The following ARL14EP variants were observed in gnomAD, a reference collection of about 807,000 sequenced individuals.
ARL14EP encodes the protein ARF like GTPase 14 effector protein, also known as ARL14 effector protein.
In ARL14EP, 12 loss-of-function variants were observed where a neutral mutation model predicts 23.1. The observed-to-expected ratio is 0.52, with a 90% CI of 0.33 to 0.84. The LOEUF is 0.84. Among genes scored for constraint, ARL14EP ranks in the 40% least tolerant of loss-of-function variants. ARL14EP has a pLI of 0.02. For synonymous variants in ARL14EP, 97 were observed against 102.0 expected (o/e 0.95, Z 0.29); for missense variants, 253 against 307.3 (o/e 0.82, Z 1.32).
intron 2 of ARL14EP, among the ~76,000 whole-genome samples, chr11:30,332,321 C>A (rs1197320637): frequency 6.6e-6 from 1 of 150,942 alleles, no homozygotes; most frequent in African/African-American, 2.4e-5. Flanking sequence ...GATGTCTTCA[C>A]CTTATCTATC....
In ARL14EP at chr11:30,335,835, C is replaced by T. The variant is rs374998686; in HGVS notation, c.555-732C>T. Among the ~76,000 whole-genome samples, 53 of 151,856 alleles carry T rather than the reference C, an allele frequency of 3.5e-4. No homozygotes were observed. In the South Asian group the frequency reaches 9.6e-3, roughly 27 times the overall value. On this transcript the variant is annotated intron_variant, in intron 3 of 3. Transcript: ENST00000282032. ...ATTGGGGGTGGTCTGGAACCAAACC[C>T]ACAATACCTCCGAAATGTGCCTGTA...
At chr11:30,333,881 T>C (rs1947307608) in intron 3 of ARL14EP, among the ~76,000 whole-genome samples, 1 of 152,156 alleles carries the variant, frequency 6.6e-6, no homozygotes, top group African/African-American at 2.4e-5. Context: ...AAAAGTACCA[T>C]TCCATTGAAC....
chr11:30,330,765 G>A (rs965085962), intron 1 of ARL14EP, 121 bp from the exon 2 acceptor site: 3 of 613,756 alleles, frequency 4.9e-6, no homozygotes, highest in Admixed American at 3.1e-5. Context: ...ATAAGACTTC[G>A]ATAAATACCT....
chr11:30,334,582 T>C (rs1947317611), intron 3 of ARL14EP, among the ~76,000 whole-genome samples: 1 of 152,140 alleles, frequency 6.6e-6, no homozygotes, highest in African/African-American at 2.4e-5. Context: ...TATACCTGGC[T>C]TCAAATCTTC....
intron 2 of ARL14EP, 156 bp downstream of exon 2, chr11:30,331,530 C>A: frequency 6.8e-7 from 1 of 1,470,396 alleles, no homozygotes. Context: ...AAATATTATT[C>A]ACATATACTG....
Position 30,337,749 on chromosome 11 carries a change from G to C in ARL14EP, c.*954G>C, listed in dbSNP as rs1192260385. 6.6e-6 allele frequency: 1 copy of C among 152,170 alleles called. No homozygotes were observed. Among genetic ancestry groups the C allele is most frequent in the Non-Finnish European group, 1.5e-5 (1 of 68,028 alleles). The allele number at this position is 152,170 out of a possible 1,614,324, so 9.4% of individuals were successfully genotyped here. On this transcript the variant is annotated 3_prime_UTR_variant, in exon 4 of 4. Transcript: ENST00000282032. ...GCTGACCCAAACTTAGAAGGAGTAT[G>C]GCAGTTTGCCGTGAACATAAAAGAT...
At chr11:30,333,694 A>C (rs1021279477) in intron 3 of ARL14EP, among the ~76,000 whole-genome samples, 2 of 152,164 alleles carry the variant, frequency 1.3e-5, no homozygotes, top group Non-Finnish European at 2.9e-5. Flanking sequence ...ATAACCCTGC[A>C]ATGGTCTCTA....
chr11:30,333,124 T>A, intron 3 of ARL14EP, 131 bp downstream of exon 3: 1 of 1,193,788 alleles, frequency 8.4e-7, no homozygotes, highest in Non-Finnish European at 1.2e-6. Context: ...AGTAAAAACC[T>A]ATGAAGGCCT....
intron 3 of ARL14EP, 138 bp from the exon 4 acceptor site, chr11:30,336,429 G>T (rs1000581550): frequency 5.3e-6 from 4 of 760,642 alleles, no homozygotes; most frequent in Admixed American, 2.6e-5. Context: ...AATAAGCCTT[G>T]AGCCTGATAA....
intron 3 of ARL14EP, among the ~76,000 whole-genome samples, chr11:30,335,794 G>C (rs1183799976): frequency 1.3e-5 from 2 of 151,924 alleles, no homozygotes; most frequent in African/African-American, 4.8e-5. Context: ...GTGTGTGTGT[G>C]TGTGTGACTC....
chr11:30,327,861 A>G (rs982559979), intron 1 of ARL14EP, among the ~76,000 whole-genome samples: 1 of 150,786 alleles, frequency 6.6e-6, no homozygotes, highest in African/African-American at 2.4e-5. Context: ...CTGTAGTCCC[A>G]GCTACTCTGG....
At position 30,336,845 on chromosome 11, in the gene ARL14EP, C is replaced by G; in HGVS notation, c.*50C>G. 3 of 1,477,514 alleles carry G rather than the reference C, an allele frequency of 2.0e-6. No homozygotes were observed. The South Asian group carries it at 3.4e-5, about 17-fold the overall frequency. The allele number at this position is 1,477,514 out of a possible 1,614,324, so 91.5% of individuals were successfully genotyped here. A position where few individuals can be genotyped will look rare whatever the true frequency, so the allele number is the denominator to read the frequency against. ...TTTAAAGGTCTTTATTTCTAAAAATCTGTTACTCTAAGATACATTTTAAGC... is the reference window on the plus strand; with the variant it reads ...TTTAAAGGTCTTTATTTCTAAAAATGTGTTACTCTAAGATACATTTTAAGC... On this transcript the variant is annotated 3_prime_UTR_variant, in exon 4 of 4. Coordinates refer to ENST00000282032, the MANE Select transcript of ARL14EP (RefSeq NM_152316.3).
intron 1 of ARL14EP, among the ~76,000 whole-genome samples, chr11:30,323,415 C>T (rs551514753): frequency 6.6e-6 from 1 of 152,318 alleles, no homozygotes; most frequent in South Asian, 2.1e-4. Flanking sequence ...TGTCAAAGCC[C>T]AGCACAGGTT....
At chr11:30,330,675 A>C (rs1315355969) in intron 1 of ARL14EP, 1 of 384,606 alleles carries the variant, frequency 2.6e-6, no homozygotes, top group Non-Finnish European at 4.8e-6. Context: ...GTGGTCTTAA[A>C]TATAATCTGT....
chr11:30,326,731 CTT>C (rs1947237354), intron 1 of ARL14EP, among the ~76,000 whole-genome samples: 1 of 152,170 alleles, frequency 6.6e-6, no homozygotes, highest in African/African-American at 2.4e-5. Context: ...GACTTGGACT[CTT>C]TGACAGTATG....
chr11:30,324,347 TA>T (rs1262043616), intron 1 of ARL14EP, among the ~76,000 whole-genome samples: 1 of 152,218 alleles, frequency 6.6e-6, no homozygotes, highest in Non-Finnish European at 1.5e-5. Context: ...TTTGTTTTGT[TA>T]AATTTCCTCT....
intron 1 of ARL14EP, among the ~76,000 whole-genome samples, chr11:30,326,464 G>A (rs1180102108): frequency 6.6e-6 from 1 of 152,182 alleles, no homozygotes; most frequent in Admixed American, 6.5e-5. Flanking sequence ...TGAACTTGCT[G>A]GACTGTCATT....
rs1947246356 is a variant in ARL14EP at position 30,327,575 on chromosome 11, C to T, written c.-63-3311C>T. Among the ~76,000 whole-genome samples the T allele has an allele frequency of 3.9e-5, 6 of 152,084 alleles. No individual in the cohort carries two copies. The South Asian group carries it at 1.2e-3, about 32-fold the overall frequency. On this transcript the variant is annotated intron_variant, in intron 1 of 3. Coordinates refer to ENST00000282032, the MANE Select transcript of ARL14EP (RefSeq NM_152316.3). Reference sequence around the variant, plus strand: ...GGCTAAAAACTGGTGATGATTACCTCCAAATAAAAAGAATCTCTGGCATTA... The same window carrying T: ...GGCTAAAAACTGGTGATGATTACCTTCAAATAAAAAGAATCTCTGGCATTA...
At chr11:30,323,790 TAAC>T (rs1179813845) in intron 1 of ARL14EP, among the ~76,000 whole-genome samples, 1 of 152,164 alleles carries the variant, frequency 6.6e-6, no homozygotes, top group African/African-American at 2.4e-5. Context: ...TTAGGCATGA[TAAC>T]AACAGCTCTA....
Sources: allele counts gnomAD v4.1 joint callset (sites outside exome capture counted in the v4.1 genomes callset), GRCh38; gene constraint gnomAD v4.1.1; transcripts MANE v1.5; gene names NCBI Gene and HGNC (gene_info 2026-07-23, HGNC 2026-07-21).